The following DPYSL2 variants were observed in gnomAD, a reference collection of about 807,000 sequenced individuals.
The protein encoded by DPYSL2 is dihydropyrimidinase-related protein 2.
In DPYSL2, 13 loss-of-function variants were observed where a neutral mutation model predicts 69.9. The ratio of observed to expected loss-of-function variants is 0.19; its 90% CI spans 0.12 to 0.30. DPYSL2 has a LOEUF of 0.30. Among genes scored for constraint, DPYSL2 ranks in the 10% least tolerant of loss-of-function variants. The pLI, the probability that DPYSL2 is intolerant of heterozygous loss-of-function variation, is 1.00. For synonymous variants in DPYSL2, 326 were observed against 359.1 expected (o/e 0.91, Z 1.04); for missense variants, 587 against 918.9 (o/e 0.64, Z 4.67).
In DPYSL2 at chr8:26,560,945, G is replaced by A. The variant is rs1801060592; in HGVS notation, c.355-21024G>A. Reference sequence around the variant, plus strand: ...AAGAATTTAAATTGAGCTAGGGGAAGGGAAGTTGTAAGAGAGCAGCTGTCC... The same window carrying A: ...AAGAATTTAAATTGAGCTAGGGGAAAGGAAGTTGTAAGAGAGCAGCTGTCC... On this transcript the variant is annotated intron_variant, in intron 1 of 13. Transcript: ENST00000521913. The surrounding 1 kb of genome is among the most constrained non-coding windows in gnomAD (Gnocchi z 4.4). Among the ~76,000 whole-genome samples the A allele has an allele frequency of 6.6e-6, 1 of 152,180 alleles. No individual in the cohort carries two copies. Among genetic ancestry groups the A allele is most frequent in the Admixed American group, 6.5e-5 (1 of 15,288 alleles).
At chr8:26,569,598 G>A (rs909960096) in intron 1 of DPYSL2, among the ~76,000 whole-genome samples, 1 of 152,094 alleles carries the variant, frequency 6.6e-6, no homozygotes, top group Admixed American at 6.6e-5. Context: ...GTGGTTTAGG[G>A]GCTTTGCAAT....
intron 1 of DPYSL2, among the ~76,000 whole-genome samples, chr8:26,515,189 G>A (rs527809360): frequency 6.6e-6 from 1 of 152,186 alleles, no homozygotes; most frequent in South Asian, 2.1e-4. Context: ...CACGTCCCGA[G>A]CTCCGAGGCC....
chr8:26,602,992 T>C (rs932387569), intron 3 of DPYSL2, among the ~76,000 whole-genome samples: 1 of 152,158 alleles, frequency 6.6e-6, no homozygotes, highest in African/African-American at 2.4e-5. Flanking sequence ...GAAGGGAGTG[T>C]CCACCCAAGA....
At position 26,559,906 on chromosome 8, in the gene DPYSL2, A is replaced by G. The variant is rs189375963; in HGVS notation, c.355-22063A>G. Among the ~76,000 whole-genome samples, 838 of 152,206 alleles carry G rather than the reference A, an allele frequency of 5.5e-3. 2 individuals carry two copies. The highest frequency in any genetic ancestry group is 0.01 in the Middle Eastern group (3 of 294). On this transcript the variant is annotated intron_variant, in intron 1 of 13. Coordinates refer to ENST00000521913, the MANE Select transcript of DPYSL2 (RefSeq NM_001197293.3). ...GTAGGAAGTCAGGGTTGCAGGGAGG[A>G]GCCCCCTGTGATGTCTCAGTAATCC... is the stretch of plus-strand genomic sequence containing the variant.
chr8:26,599,799 G>A (rs1714882965), intron 3 of DPYSL2, among the ~76,000 whole-genome samples: 1 of 152,150 alleles, frequency 6.6e-6, no homozygotes, highest in Non-Finnish European at 1.5e-5. Context: ...CTCTGAAAGT[G>A]TATAACTCAG....
intron 1 of DPYSL2, chr8:26,578,170 C>G (rs2129716663): frequency 6.2e-6 from 10 of 1,605,046 alleles, no homozygotes; most frequent in Non-Finnish European, 8.5e-6. Context: ...AAAAACAAAA[C>G]AAAACAAAAA....
chr8:26,577,637 T>G, intron 1 of DPYSL2, among the ~76,000 whole-genome samples: 1 of 148,990 alleles, frequency 6.7e-6, no homozygotes. Flanking sequence ...CACCCCTCCA[T>G]TGTCCCCGCG....
At chr8:26,616,921 G>T (rs1254314212) in intron 3 of DPYSL2, among the ~76,000 whole-genome samples, 1 of 152,204 alleles carries the variant, frequency 6.6e-6, no homozygotes, top group Admixed American at 6.5e-5. Context: ...AGAGGGCAGG[G>T]TGGAGGGTTA....
chr8:26,633,888 T>C (rs555253137), intron 7 of DPYSL2, among the ~76,000 whole-genome samples: 1 of 152,220 alleles, frequency 6.6e-6, no homozygotes, highest in Non-Finnish European at 1.5e-5. Flanking sequence ...CAGGGGGCCA[T>C]TGGTGTAGAC....
At chr8:26,542,799 G>T (rs956572107) in intron 1 of DPYSL2, among the ~76,000 whole-genome samples, 49 of 152,162 alleles carry the variant, frequency 3.2e-4, no homozygotes, top group African/African-American at 1.1e-3. Context: ...GAACAAAGTT[G>T]TCCACAATCA....
chr8:26,608,609 TC>T (rs1382310965), intron 3 of DPYSL2, among the ~76,000 whole-genome samples: 7 of 152,194 alleles, frequency 4.6e-5, no homozygotes, highest in African/African-American at 1.7e-4. Context: ...AATTAAAAGC[TC>T]CCTGAACAAC....
At chr8:26,655,546 A>G in intron 13 of DPYSL2, 69 bp from the exon 14 acceptor site, 1 of 1,352,364 alleles carries the variant, frequency 7.4e-7, no homozygotes, top group Non-Finnish European at 1.0e-6. Flanking sequence ...GTGAGATTTC[A>G]CCTTCAAGCA....
intron 1 of DPYSL2, among the ~76,000 whole-genome samples, chr8:26,567,317 T>TACCACACATCCATCC (rs1348522802): frequency 7.8e-6 from 1 of 127,608 alleles, no homozygotes. Context: ...TCCATCCACC[T>TACCACACATCCATCC]ATTCATCCAT....
At position 26,598,889 on chromosome 8, in the gene DPYSL2, T is replaced by C. The variant is rs112878276; in HGVS notation, c.628+14906T>C. 3.5e-3 allele frequency among the ~76,000 whole-genome samples: 538 copies of C among 152,312 alleles called. 1 individual carries two copies. The highest frequency in any genetic ancestry group is 0.012 in the African/African-American group (497 of 41,560). On this transcript the variant is annotated intron_variant, in intron 3 of 13. Transcript: ENST00000521913. The surrounding 1 kb of genome is among the most constrained non-coding windows in gnomAD (Gnocchi z 4.2). ...GCACTCGGGCAGGACGGGGGCTGCT[T>C]CTGTGCCTTTTCCCCACTGTGCGTA... is the stretch of plus-strand genomic sequence containing the variant.
intron 1 of DPYSL2, among the ~76,000 whole-genome samples, chr8:26,530,971 A>G (rs1800501674): frequency 6.6e-6 from 1 of 151,532 alleles, no homozygotes. Flanking sequence ...AGGTGCGAGG[A>G]CGGTTTGAGC....
At chr8:26,546,501 C>A (rs575665724) in intron 1 of DPYSL2, among the ~76,000 whole-genome samples, 1 of 151,986 alleles carries the variant, frequency 6.6e-6, no homozygotes, top group Non-Finnish European at 1.5e-5. Flanking sequence ...AATTAGACAC[C>A]TTTATATTTA....
At position 26,533,325 on chromosome 8, in the gene DPYSL2, C is replaced by T. The variant is rs1479246925; in HGVS notation, c.354+18646C>T. ...CTCCTGCTCTGTGGATTGTTTTTCA[C>T]TTTCCTGATAGTGTCCTTGACGTAT... On this transcript the variant is annotated intron_variant, in intron 1 of 13. Transcript: ENST00000521913. The surrounding 1 kb of genome is among the most constrained non-coding windows in gnomAD (Gnocchi z 4.8). Among the ~76,000 whole-genome samples, 1 of 152,138 alleles carries T rather than the reference C, an allele frequency of 6.6e-6. No homozygotes were observed. The highest frequency in any genetic ancestry group is 1.5e-5 in the Non-Finnish European group (1 of 68,024).
At chr8:26,557,623 CAAAAAAAA>C (rs56215906) in intron 1 of DPYSL2, among the ~76,000 whole-genome samples, 1 of 74,320 alleles carries the variant, frequency 1.3e-5, no homozygotes, top group Non-Finnish European at 2.3e-5. Context: ...ACTAAAAATA[CAAAAAAAA>C]AAAAAAAAAA....
rs1221100902 is a variant in DPYSL2 at position 26,609,495 on chromosome 8, G to A, written c.629-14648G>A. On this transcript the variant is annotated intron_variant, in intron 3 of 13. Transcript: ENST00000521913. The surrounding 1 kb of genome is among the most constrained non-coding windows in gnomAD (Gnocchi z 6.5). ...GTCTTTGCACGTGGAAGCTTGTGGC[G>A]TGACTGTTATTTTTTTGTGATGTTC... Among the ~76,000 whole-genome samples the A allele has an allele frequency of 1.3e-5, 2 of 152,200 alleles. No homozygotes were observed. The highest frequency in any genetic ancestry group is 2.1e-4 in the South Asian group (1 of 4,830).
Sources: gnomAD v4.1 joint callset for allele counts (sites outside exome capture counted in the v4.1 genomes callset) on GRCh38, gnomAD v4.1.1 for gene constraint, Gnocchi (gnomAD v3.1) non-coding constraint, MANE v1.5 for transcripts, NCBI Gene and HGNC (gene_info 2026-07-23, HGNC 2026-07-21) for gene names.